PARVB: variants seen among roughly 807,000 people sequenced by gnomAD.
PARVB encodes parvin beta.
In PARVB, 46 loss-of-function variants were observed where a neutral mutation model predicts 47.0. The ratio of observed to expected loss-of-function variants is 0.98; its 90% CI spans 0.77 to 1.25. PARVB has a LOEUF of 1.25. PARVB is among the 50% of genes most tolerant of loss of function. The probability of loss-of-function intolerance (pLI) is 0.00; values close to 1 mark genes in which losing one functional copy is unlikely to be tolerated. For missense variants in PARVB, 473 were observed against 471.6 expected (o/e 1.00, Z -0.03); for synonymous variants, 196 against 196.3 (o/e 1.00, Z 0.01).
chr22:44,149,803 G>C (rs943456915), intron 9 of PARVB: 2 of 152,282 alleles, frequency 1.3e-5, no homozygotes, highest in African/African-American at 4.8e-5. Context: ...TTAGCACCAA[G>C]CAGCATGCCT....
chr22:44,164,040 C>T (rs775272818), intron 12 of PARVB, 110 bp downstream of exon 12: 13 of 730,632 alleles, frequency 1.8e-5, no homozygotes, highest in African/African-American at 1.3e-4. Context: ...ATGGGCCCCA[C>T]GTCTCTGGCT....
chr22:44,030,188 C>T (rs1241370256), intron 1 of PARVB, among the ~76,000 whole-genome samples: 1 of 152,234 alleles, frequency 6.6e-6, no homozygotes, highest in Non-Finnish European at 1.5e-5. Flanking sequence ...CCCCCAGCAA[C>T]GCCTGGGCTG....
intron 1 of PARVB, among the ~76,000 whole-genome samples, chr22:44,029,964 A>G (rs1267521953): frequency 3.3e-5 from 5 of 152,228 alleles, no homozygotes; most frequent in Non-Finnish European, 4.4e-5. Context: ...ATTGAACTGA[A>G]GGTTGAAAGT....
Position 44,119,057 on chromosome 22 carries a change from A to G in PARVB, c.293A>G (p.Asn98Ser). The change falls in exon 4 of 13, where the codon AAT becomes AGT. Residue 98 changes from asparagine (N) to serine (S), a missense_variant. Physicochemically the swap from Asn to Ser is conservative, Grantham distance 46. Transcript: ENST00000338758. ...CTGCAGGTCCTCCTCGACTGGATTA[A>G]TGACGTGCTGGTGGAGGAGAGGATC... ...ELVKVLLDWI[N>S]DVLVEERIIV... 6.2e-7 allele frequency: 1 copy of G among 1,613,998 alleles called. No homozygotes were observed. The highest frequency in any genetic ancestry group is 1.7e-5 in the Admixed American group (1 of 60,030).
chr22:44,109,587 C>T (rs1210874442), intron 3 of PARVB: 1 of 152,206 alleles, frequency 6.6e-6, no homozygotes, highest in Non-Finnish European at 1.5e-5. Flanking sequence ...AGTTGTACCT[C>T]CTCGGGGTGG....
At chr22:44,044,063 G>C (rs1013238600) in intron 1 of PARVB, among the ~76,000 whole-genome samples, 7 of 152,128 alleles carry the variant, frequency 4.6e-5, no homozygotes, top group African/African-American at 1.7e-4. Context: ...GTGACAATAG[G>C]AAACCCCCAG....
At chr22:44,059,943 C>T (rs539562645) in intron 1 of PARVB, among the ~76,000 whole-genome samples, 30 of 152,122 alleles carry the variant, frequency 2.0e-4, no homozygotes, top group Non-Finnish European at 3.2e-4. Flanking sequence ...TGCTTGCTAT[C>T]GGGAGAAATG....
chr22:44,015,393 A>G (rs1470857306), intron 2 of PARVB, among the ~76,000 whole-genome samples: 2 of 152,312 alleles, frequency 1.3e-5, no homozygotes, highest in South Asian at 2.1e-4. Context: ...AGCTGTGCCA[A>G]TAGAAAAGGG....
chr22:44,050,883 C>G (rs1473345231), intron 1 of PARVB, among the ~76,000 whole-genome samples: 1 of 152,232 alleles, frequency 6.6e-6, no homozygotes, highest in Non-Finnish European at 1.5e-5. Context: ...CACAGCCCGT[C>G]ACCAGGAGCT....
chr22:44,095,206 C>T (rs981959254), intron 2 of PARVB, among the ~76,000 whole-genome samples: 2 of 152,082 alleles, frequency 1.3e-5, no homozygotes, highest in South Asian at 2.1e-4. Context: ...AGATGCCAAG[C>T]ACCAGAAAAT....
At chr22:44,100,498 T>G (rs1475556533) in intron 3 of PARVB, among the ~76,000 whole-genome samples, 1 of 152,084 alleles carries the variant, frequency 6.6e-6, no homozygotes, top group African/African-American at 2.4e-5. Context: ...GATTTAACCC[T>G]GAAAAGCAGG....
chr22:44,111,494 G>T (rs2052697806), intron 3 of PARVB: 1 of 126,758 alleles, frequency 7.9e-6, no homozygotes, highest in African/African-American at 3.1e-5. Context: ...CTGTTGCCCA[G>T]GCTGGAGTGC....
In PARVB at chr22:44,015,859, G is replaced by A. The variant is rs577748255; in HGVS notation, c.211+16186G>A. 5.3e-5 allele frequency among the ~76,000 whole-genome samples: 8 copies of A among 152,214 alleles called. No homozygotes were observed. In the East Asian group the frequency reaches 1.4e-3, roughly 26 times the overall value. ...ACAAAAAAAGATTAGGGTGCAGACAGCCAACTTTTAACACCTTATACAAAT... is the reference window on the plus strand; with the variant it reads ...ACAAAAAAAGATTAGGGTGCAGACAACCAACTTTTAACACCTTATACAAAT... On this transcript the variant is annotated intron_variant, in intron 2 of 13. Transcript: ENST00000406477.
intron 11 of PARVB, among the ~76,000 whole-genome samples, chr22:44,161,139 A>G (rs536106953): frequency 1.3e-5 from 2 of 151,946 alleles, no homozygotes; most frequent in South Asian, 4.2e-4. Context: ...GCACGTGTGC[A>G]TGTGCATACG....
Position 44,132,965 on chromosome 22 carries a change from A to G in PARVB, c.589A>G (p.Ile197Val). Residue 197 changes from isoleucine to valine, a missense_variant, in exon 6 of 13, where the codon ATC (isoleucine) becomes GTC (valine). Transcript: ENST00000338758. Reference sequence around the variant, plus strand: ...TCTGGCCATGCACTTCAGGGCCCCCATCCGCCTTCCTGAGCATGTAACGGT... The same window carrying G: ...TCTGGCCATGCACTTCAGGGCCCCCGTCCGCCTTCCTGAGCATGTAACGGT... The part of the protein sequence containing the change: ...VSLAMHFRAP[I>V]RLPEHVTVQV... The G allele has an allele frequency of 1.2e-6, 2 of 1,614,070 alleles. No individual in the cohort carries two copies. The highest frequency in any genetic ancestry group is 1.7e-6 in the Non-Finnish European group (2 of 1,180,014).
intron 1 of PARVB, chr22:44,069,108 C>T (rs557411336): frequency 1.6e-5 from 26 of 1,611,710 alleles, no homozygotes; most frequent in Admixed American, 8.3e-5. Flanking sequence ...TGCCCTCCGA[C>T]GTCCGCCGGC....
At position 44,103,482 on chromosome 22, in the gene PARVB, G is replaced by T. The variant is rs1384386264; in HGVS notation, c.273+3359G>T. 6.6e-6 allele frequency: 1 copy of T among 152,200 alleles called. No individual in the cohort carries two copies. 9.4% of individuals were successfully genotyped at this position (152,200 alleles called of 1,614,324 possible). ...CCCCCAAACCCCTGCCAAAGAAAAG[G>T]CATCAGCAGTGAGCTTTGTCCTGGC... is the stretch of plus-strand genomic sequence containing the variant. On this transcript the variant is annotated intron_variant, in intron 3 of 12. Coordinates refer to ENST00000338758, the MANE Select transcript of PARVB (RefSeq NM_013327.5). This position sits in a 1 kb window ranked among gnomAD's most constrained non-coding sequence, Gnocchi z 4.6.
intron 4 of PARVB, among the ~76,000 whole-genome samples, chr22:44,131,063 C>CCCTCCCTCCCTCCCTCCCTCCCTCCCTT: frequency 7.3e-6 from 1 of 136,096 alleles, no homozygotes; most frequent in Non-Finnish European, 1.6e-5. Context: ...CTCCCTCCCT[C>CCCTCCCTCCCTCCCTCCCTCCCTCCCTT]CCTCTCTCTC....
At chr22:44,098,688 A>G (rs1239738074) in intron 2 of PARVB, among the ~76,000 whole-genome samples, 3 of 152,094 alleles carry the variant, frequency 2.0e-5, no homozygotes, top group Non-Finnish European at 4.4e-5. Flanking sequence ...CTTTTCAGGC[A>G]TCAGATCTGT....
Sources: allele counts gnomAD v4.1 joint callset (sites outside exome capture counted in the v4.1 genomes callset), GRCh38; gene constraint gnomAD v4.1.1; non-coding constraint Gnocchi (gnomAD v3.1); transcripts MANE v1.5; gene names NCBI Gene and HGNC (gene_info 2026-07-23, HGNC 2026-07-21).